ENY2: variants seen among roughly 807,000 people sequenced by gnomAD.
The protein encoded by ENY2 is ENY2 transcription and export complex 2 subunit, also known as transcription and mRNA export factor ENY2.
Under a neutral mutation model 15.9 loss-of-function variants are expected in ENY2, and 4 were observed. The ratio of observed to expected loss-of-function variants is 0.25; its 90% confidence interval spans 0.12 to 0.57. The LOEUF is 0.57. ENY2 is among the 20% of genes least tolerant of loss of function. The pLI is 0.91. For synonymous variants in ENY2, 48 were observed against 38.0 expected (o/e 1.26, Z -0.97); for missense variants, 54 against 117.2 (o/e 0.46, Z 2.49).
chr8:109,336,203 C>T lies in ENY2; in HGVS notation c.82C>T (p.Arg28Cys), dbSNP rs1030615394. The T allele has an allele frequency of 5.0e-6, 8 of 1,610,736 alleles. No individual in the cohort carries two copies. The highest frequency in any genetic ancestry group is 5.1e-6 in the Non-Finnish European group (6 of 1,177,640). The stretch of plus-strand genomic sequence containing the variant: ...GTTGATAGAAACTGGAGAAAGAGAA[C>T]GGTAAGTAATAGATTGTGTTAATAA... The part of the protein sequence containing the change: ...QKLIETGERE[R>C]LKELLRAKLI... Residue 28 changes from arginine (R) to cysteine (C), a missense_variant and splice_region_variant, in exon 2 of 5, where the codon CGC becomes TGC. Coordinates refer to ENST00000521688, the MANE Select transcript of ENY2 (RefSeq NM_020189.6).
rs557558939 is a variant in ENY2, at chr8:109,336,331, C to T, written c.83+127C>T. 37 of 846,070 alleles carry T rather than the reference C, an allele frequency of 4.4e-5. No individual in the cohort carries two copies. The South Asian group carries it at 6.3e-4, about 14-fold the overall frequency. 52.4% of individuals were successfully genotyped at this position (846,070 alleles called of 1,614,324 possible). A position where few individuals can be genotyped will look rare whatever the true frequency, so the allele number is the denominator to read the frequency against. On this transcript the variant is annotated intron_variant, in intron 2 of 4. Coordinates refer to ENST00000521688, the MANE Select transcript of ENY2 (RefSeq NM_020189.6). ...AATTGAGATTATAAAAGTTTCTATTCCGAACATCTGGAAAAAATAATTTAG... is the reference window on the plus strand; with the variant it reads ...AATTGAGATTATAAAAGTTTCTATTTCGAACATCTGGAAAAAATAATTTAG...
chr8:109,344,628 T>C lies in ENY2; in HGVS notation c.*1147T>C, dbSNP rs1816196616. 2 of 152,200 alleles carry C rather than the reference T, an allele frequency of 1.3e-5. No individual in the cohort carries two copies. The highest frequency in any genetic ancestry group is 4.1e-4 in the South Asian group (2 of 4,830). The allele number at this position is 152,200 out of a possible 1,614,324, so 9.4% of individuals were successfully genotyped here. Reference sequence around the variant, plus strand: ...GAATGGTACCTCCTAGCTATATAGATTATCTGAGGAGCTTACTGAAATGCT... The same window carrying C: ...GAATGGTACCTCCTAGCTATATAGACTATCTGAGGAGCTTACTGAAATGCT... On this transcript the variant is annotated 3_prime_UTR_variant, in exon 5 of 5. Transcript: ENST00000521688.
intron 3 of ENY2, 196 bp downstream of exon 3, chr8:109,339,586 A>T (rs547733542): frequency 1.2e-5 from 6 of 492,136 alleles, no homozygotes; most frequent in Non-Finnish European, 2.2e-5. Flanking sequence ...TGTTTCTGTT[A>T]AGCGTGAGCA....
chr8:109,340,825 G>A (rs564488840), intron 4 of ENY2: 11 of 357,334 alleles, frequency 3.1e-5, no homozygotes, highest in African/African-American at 1.1e-4. Context: ...TTTAAAATAC[G>A]GGATTCTGCA....
chr8:109,340,405 A>G, intron 3 of ENY2, 84 bp from the exon 4 acceptor site: 3 of 1,571,816 alleles, frequency 1.9e-6, no homozygotes, highest in Middle Eastern at 2.2e-4. Context: ...CTCTAAAAAC[A>G]TGATCTTAAC....
chr8:109,334,613 G>C (rs1230211225), intron 1 of ENY2, 139 bp downstream of exon 1: 6 of 1,016,708 alleles, frequency 5.9e-6, no homozygotes, highest in Non-Finnish European at 8.3e-6. Context: ...ACCGGAGTTG[G>C]CCTGAAACCA....
intron 2 of ENY2, among the ~76,000 whole-genome samples, chr8:109,337,036 C>T (rs1586325914): frequency 8.0e-6 from 1 of 125,286 alleles, no homozygotes; most frequent in South Asian, 2.8e-4. Flanking sequence ...AGAGGTGCAT[C>T]TGTTGCTGAC....
chr8:109,340,224 G>A (rs1160200299), intron 3 of ENY2: 1 of 413,810 alleles, frequency 2.4e-6, no homozygotes. Flanking sequence ...ACAGATGTTA[G>A]ATTTGAATAT....
intron 4 of ENY2, 103 bp downstream of exon 4, chr8:109,340,666 A>G (rs2130195183): frequency 8.3e-6 from 12 of 1,452,474 alleles, no homozygotes; most frequent in Non-Finnish European, 1.0e-5. Context: ...GAAAAGCACT[A>G]CCTGTGTTGC....
rs750533304 is a variant in ENY2, at chr8:109,334,367, T to C, written c.-102T>C. ...TTTCTGTGTGCTTAGGTGCCCGAGC[T>C]ACTGAGGGTCTAAGTCCGGGCAGCC... On this transcript the variant is annotated 5_prime_UTR_variant, in exon 1 of 5. Coordinates refer to ENST00000521688, the MANE Select transcript of ENY2 (RefSeq NM_020189.6). 1.2e-3 allele frequency: 1,902 copies of C among 1,554,008 alleles called. No individual in the cohort carries two copies. The highest frequency in any genetic ancestry group is 1.6e-3 in the Non-Finnish European group (1,756 of 1,132,566).
intron 3 of ENY2, 69 bp from the exon 4 acceptor site, chr8:109,340,420 C>G: frequency 6.3e-7 from 1 of 1,590,250 alleles, no homozygotes; most frequent in South Asian, 1.1e-5. Flanking sequence ...CTTAACCCTT[C>G]CTCTATGAAA....
Position 109,343,481 on chromosome 8 carries a change from A to T in ENY2, c.306A>T (p.Ter102TyrextTer2), listed in dbSNP as rs1308848701. 1 of 1,606,908 alleles carries T rather than the reference A, an allele frequency of 6.2e-7. No homozygotes were observed. The highest frequency in any genetic ancestry group is 8.5e-7 in the Non-Finnish European group (1 of 1,177,464). Reference protein sequence around the residue: ...RTFLAQHASL* With the variant: ...RTFLAQHASLY Reference sequence around the variant, plus strand: ...TCCTTGCTCAGCATGCCAGCCTTTAAGATTGAATTAGATTGTGTTGTTGTG... The same window carrying T: ...TCCTTGCTCAGCATGCCAGCCTTTATGATTGAATTAGATTGTGTTGTTGTG... The change falls in exon 5 of 5, where the codon TAA becomes TAT. Residue 102 changes from the stop codon to tyrosine (Y), a stop_lost. Coordinates refer to ENST00000521688, the MANE Select transcript of ENY2 (RefSeq NM_020189.6).
intron 2 of ENY2, among the ~76,000 whole-genome samples, chr8:109,337,856 G>C (rs1452594452): frequency 6.6e-6 from 1 of 151,754 alleles, no homozygotes; most frequent in Non-Finnish European, 1.5e-5. Context: ...CTGAGATCGC[G>C]CCACTTCACT....
chr8:109,340,739 A>G (rs1447002742), intron 4 of ENY2, 176 bp downstream of exon 4: 8 of 666,520 alleles, frequency 1.2e-5, no homozygotes, highest in Non-Finnish European at 2.0e-5. Context: ...AACAAATGAG[A>G]TACTAGGTTT....
chr8:109,342,514 CT>C (rs11316616), intron 4 of ENY2, among the ~76,000 whole-genome samples: 77,631 of 139,276 alleles, frequency 0.56, 21,363 homozygotes, highest in African/African-American at 0.63. Context: ...TATATATACC[CT>C]TTTTTTTTTT....
Position 109,345,278 on chromosome 8 carries a change from A to T in ENY2, c.*1797A>T, listed in dbSNP as rs954846506. On this transcript the variant is annotated 3_prime_UTR_variant, in exon 5 of 5. Coordinates refer to ENST00000521688, the MANE Select transcript of ENY2 (RefSeq NM_020189.6). Reference sequence around the variant, plus strand: ...GAAATGACTTCTCTGACTTTGTATGATGCTTATTTGTGGATGAATGGGCAA... The same window carrying T: ...GAAATGACTTCTCTGACTTTGTATGTTGCTTATTTGTGGATGAATGGGCAA... The T allele has an allele frequency of 6.6e-6, 1 of 152,224 alleles. No homozygotes were observed. Among genetic ancestry groups the T allele is most frequent in the Non-Finnish European group, 1.5e-5 (1 of 68,058 alleles). The allele number at this position is 152,224 out of a possible 1,614,324, so 9.4% of individuals were successfully genotyped here. A position where few individuals can be genotyped will look rare whatever the true frequency, so the allele number is the denominator to read the frequency against.
At position 109,339,323 on chromosome 8, in the gene ENY2, C is replaced by G. The variant is rs756825743; in HGVS notation, c.87C>G (p.Leu29=). 3 of 1,613,708 alleles carry G rather than the reference C, an allele frequency of 1.9e-6. No individual in the cohort carries two copies. The highest frequency in any genetic ancestry group is 1.7e-5 in the Admixed American group (1 of 60,020). Residue 29 remains leucine, a synonymous_variant, in exon 3 of 5, where the codon CTC becomes CTG. Coordinates refer to ENST00000521688, the MANE Select transcript of ENY2 (RefSeq NM_020189.6). ...GAAAACACTTCTGTTTCAACAGCCT[C>G]AAAGAGTTGCTGAGAGCTAAATTAA... ...KLIETGERER[L]KELLRAKLIE... is the part of the protein sequence containing the mutation.
intron 2 of ENY2, among the ~76,000 whole-genome samples, chr8:109,337,001 T>C: frequency 6.8e-6 from 1 of 148,082 alleles, no homozygotes. Flanking sequence ...CAGGTGATCA[T>C]GTAAGATCTC....
At chr8:109,334,510 G>C (rs1466324019) in intron 1 of ENY2, 36 bp downstream of exon 1, 1 of 1,607,612 alleles carries the variant, frequency 6.2e-7, no homozygotes, top group South Asian at 1.1e-5. Context: ...GCCGGGACCC[G>C]GGCCCAGCCC....
Sources: gnomAD v4.1 joint callset for allele counts (sites outside exome capture counted in the v4.1 genomes callset) on GRCh38, gnomAD v4.1.1 for gene constraint, MANE v1.5 for transcripts, NCBI Gene and HGNC (gene_info 2026-07-23, HGNC 2026-07-21) for gene names.